STMN1: variants seen among roughly 807,000 people sequenced by gnomAD.
STMN1 encodes stathmin 1, also known as stathmin.
Under a neutral mutation model 19.7 loss-of-function variants are expected in STMN1, and 3 were observed. The ratio of observed to expected loss-of-function variants is 0.15; its 90% CI spans 0.07 to 0.39. The LOEUF (loss-of-function observed/expected upper bound fraction) is 0.39, where lower values mean the gene tolerates loss of function less well. Ranked by LOEUF, STMN1 falls within the 10% of genes least tolerant of loss-of-function variation. STMN1 has a pLI of 1.00. For missense variants in STMN1, 99 were observed against 176.0 expected (o/e 0.56, Z 2.48); for synonymous variants, 59 against 58.9 (o/e 1.00, Z -0.01).
At chr1:25,904,162 T>C (rs1006605194) in intron 2 of STMN1, among the ~76,000 whole-genome samples, 1 of 151,904 alleles carries the variant, frequency 6.6e-6, no homozygotes, top group Non-Finnish European at 1.5e-5. Flanking sequence ...AAAAAATTTT[T>C]TTTGATTAGG....
At chr1:25,905,944 G>A (rs1184008506) in intron 1 of STMN1, 1 of 152,198 alleles carries the variant, frequency 6.6e-6, no homozygotes, top group Non-Finnish European at 1.5e-5. Context: ...ACCAGCTGCG[G>A]TCGCCAGGGG....
downstream of STMN1, among the ~76,000 whole-genome samples, chr1:25,898,021 C>T (rs946466571): frequency 1.3e-5 from 2 of 152,160 alleles, no homozygotes; most frequent in Admixed American, 1.3e-4. Context: ...CCATGGCCAC[C>T]GTAGCCTGAA....
At chr1:25,898,174 T>G (rs2048836506), downstream of STMN1, among the ~76,000 whole-genome samples, 1 of 149,742 alleles carries the variant, frequency 6.7e-6, no homozygotes. Context: ...GGAGGGGGCC[T>G]GCCTGGAGGG....
chr1:25,905,600 C>G (rs528246923), intron 1 of STMN1: 4 of 152,290 alleles, frequency 2.6e-5, no homozygotes, highest in African/African-American at 4.8e-5. Context: ...CGAATCTCCC[C>G]GAACTCAACA....
At position 25,894,224 on chromosome 1, in the gene STMN1, T is replaced by C. The variant is rs184531021; in HGVS notation, c.378+7267A>G. The stretch of plus-strand genomic sequence containing the variant: ...CCCACATCTCCTCAGTGGGATCTCC[T>C]GTGCAGGGTACAGTCTGCACACTGT... On this transcript the variant is annotated intron_variant, in intron 4 of 4. Coordinates refer to the STMN1 transcript ENST00000426559. Among the ~76,000 whole-genome samples, 23 of 152,312 alleles carry C rather than the reference T, an allele frequency of 1.5e-4. No individual in the cohort carries two copies. In the East Asian group the frequency reaches 3.5e-3, roughly 23 times the overall value.
intron 4 of STMN1, among the ~76,000 whole-genome samples, chr1:25,888,469 C>CAT (rs2048743576): frequency 1.3e-5 from 2 of 152,134 alleles, no homozygotes; most frequent in Non-Finnish European, 2.9e-5. Flanking sequence ...ATAGTAGGTC[C>CAT]TCAATAAATA....
At chr1:25,891,636 C>T (rs1476588601) in intron 4 of STMN1, among the ~76,000 whole-genome samples, 2 of 152,208 alleles carry the variant, frequency 1.3e-5, no homozygotes, top group East Asian at 3.8e-4. Context: ...AAACGTTCTG[C>T]ATCTTGGAAA....
chr1:25,903,932 G>A (rs2048905610), intron 2 of STMN1, 119 bp from the exon 3 acceptor site: 2 of 1,118,894 alleles, frequency 1.8e-6, no homozygotes, highest in African/African-American at 3.2e-5. Flanking sequence ...GATGAGGAAA[G>A]TTGTGTTTTT....
At chr1:25,885,702 C>T (rs1170473813) in exon 5 of STMN1, 2 of 1,544,842 alleles carry the variant, frequency 1.3e-6, no homozygotes, top group South Asian at 2.4e-5. Flanking sequence ...CTATCATCAA[C>T]AGCAAATATT....
chr1:25,902,272 CTT>C (rs1251736936), intron 3 of STMN1: 7 of 152,096 alleles, frequency 4.6e-5, no homozygotes, highest in Admixed American at 1.3e-4. Context: ...ATCTGGATGA[CTT>C]GAGGAATATG....
In STMN1 at chr1:25,900,860, AAAC is replaced by A. The variant is rs763910014; in HGVS notation, c.*153_*155del. 5.1e-5 allele frequency: 73 copies of A among 1,438,360 alleles called. 1 individual carries two copies. In the South Asian group the frequency reaches 9.5e-4, roughly 19 times the overall value. The allele number at this position is 1,438,360 out of a possible 1,614,324, so 89.1% of individuals were successfully genotyped here. ...TTCAGTTTCTCCCCTTTAGCCCCTA[AAAC>A]AACATCTTACAGTCTGGATCTGGAT... On this transcript the variant is annotated 3_prime_UTR_variant, in exon 5 of 5. Transcript: ENST00000455785.
intron 4 of STMN1, among the ~76,000 whole-genome samples, chr1:25,890,306 G>T (rs1252153919): frequency 6.6e-6 from 1 of 152,206 alleles, no homozygotes. Context: ...CAGTGTAGGA[G>T]ATCAGTCAGA....
In STMN1 at chr1:25,906,071, AAGGG is replaced by A. The variant is rs1211052371; in HGVS notation, c.-63+314_-63+317del. 216 of 151,768 alleles carry A rather than the reference AAGGG, an allele frequency of 1.4e-3. 1 individual carries two copies. The highest frequency in any genetic ancestry group is 4.9e-3 in the African/African-American group (201 of 41,418). The allele number at this position is 151,768 out of a possible 1,614,324, so 9.4% of individuals were successfully genotyped here. On this transcript the variant is annotated intron_variant, in intron 1 of 4. Transcript: ENST00000455785. This position sits in a 1 kb window ranked among gnomAD's most constrained non-coding sequence, Gnocchi z 4.5. ...GGGGAACCCGGCGGGGCCCGCAGGG[AAGGG>A]AGGGAGGGAGGGAGGTAAACGAGGG...
chr1:25,899,541 C>T (rs992029866), downstream of STMN1, among the ~76,000 whole-genome samples: 2 of 152,208 alleles, frequency 1.3e-5, no homozygotes, highest in East Asian at 1.9e-4. Context: ...TCTGATTGAT[C>T]ATTTAAGTAA....
chr1:25,896,096 G>A (rs1254356372), downstream of STMN1, among the ~76,000 whole-genome samples: 1 of 152,200 alleles, frequency 6.6e-6, no homozygotes, highest in Non-Finnish European at 1.5e-5. Flanking sequence ...AGTAACACTT[G>A]TGATACATGA....
In STMN1 at chr1:25,900,984, G is replaced by A. The variant is rs754009343; in HGVS notation, c.*32C>T. ...GTACAGTCTTTGGATATTTAGGAAG[G>A]GGATGGGGAGAAAGTCAGTTCTCAG... On this transcript the variant is annotated 3_prime_UTR_variant, in exon 5 of 5. Transcript: ENST00000455785. 3 of 1,612,144 alleles carry A rather than the reference G, an allele frequency of 1.9e-6. No homozygotes were observed. The highest frequency in any genetic ancestry group is 2.5e-6 in the Non-Finnish European group (3 of 1,179,406).
chr1:25,885,613 G>T (rs2048714437), exon 5 of STMN1: 2 of 1,384,634 alleles, frequency 1.4e-6, no homozygotes, highest in South Asian at 3.3e-5. Flanking sequence ...ATCCAAGTCT[G>T]CCTGACCCCA....
chr1:25,896,558 G>A (rs991307251), downstream of STMN1, among the ~76,000 whole-genome samples: 1 of 152,194 alleles, frequency 6.6e-6, no homozygotes, highest in African/African-American at 2.4e-5. Flanking sequence ...AGGATATGGT[G>A]CCCAAGGACT....
At chr1:25,892,516 C>CA in intron 4 of STMN1, 1 of 985,148 alleles carries the variant, frequency 1.0e-6, no homozygotes, top group Non-Finnish European at 1.2e-6. Flanking sequence ...TCTCTTACCT[C>CA]AGATTCCTTC....
Sources: allele counts gnomAD v4.1 joint callset (sites outside exome capture counted in the v4.1 genomes callset), GRCh38; gene constraint gnomAD v4.1.1; non-coding constraint Gnocchi (gnomAD v3.1); transcripts MANE v1.5; gene names NCBI Gene and HGNC (gene_info 2026-07-23, HGNC 2026-07-21).